Variants in CHN2 observed in about 807,000 individuals in gnomAD.
CHN2 encodes chimerin 2.
A neutral mutation model predicts 56.3 loss-of-function variants in CHN2; 35 were observed. That is an observed-to-expected ratio of 0.62 (90% CI 0.47 to 0.82). The LOEUF (loss-of-function observed/expected upper bound fraction) is 0.82, where lower values mean the gene tolerates loss of function less well. Among genes scored for constraint, CHN2 ranks in the 40% least tolerant of loss-of-function variants. CHN2 has a pLI of 0.00. For synonymous variants in CHN2, 210 were observed against 212.8 expected (o/e 0.99, Z 0.12); for missense variants, 491 against 580.5 (o/e 0.85, Z 1.58).
chr7:29,460,450 T>G (rs1785084431), intron 6 of CHN2, among the ~76,000 whole-genome samples: 1 of 152,198 alleles, frequency 6.6e-6, no homozygotes, highest in Non-Finnish European at 1.5e-5. Flanking sequence ...GAGGGTACCC[T>G]TCTAAAGGCA....
intron 2 of CHN2, among the ~76,000 whole-genome samples, chr7:29,355,775 T>TA (rs1273971084): frequency 8.8e-6 from 1 of 114,124 alleles, no homozygotes; most frequent in African/African-American, 3.7e-5. Context: ...TGGGACTATT[T>TA]TTTTTTTTTT....
intron 5 of CHN2, 114 bp downstream of exon 5, chr7:29,398,600 C>T (rs1370176808): frequency 1.5e-6 from 1 of 687,322 alleles, no homozygotes; most frequent in Non-Finnish European, 2.5e-6. Context: ...TCATTTTTCC[C>T]ATGTTTATGT....
chr7:29,395,031 T>G (rs1801636656), intron 4 of CHN2, among the ~76,000 whole-genome samples: 2 of 152,184 alleles, frequency 1.3e-5, no homozygotes, highest in Non-Finnish European at 2.9e-5. Context: ...TGAAGGGTGT[T>G]TTTTTCTTCC....
intron 1 of CHN2, among the ~76,000 whole-genome samples, chr7:29,307,715 G>T (rs1042756209): frequency 3.3e-5 from 5 of 152,126 alleles, no homozygotes; most frequent in African/African-American, 1.2e-4. Context: ...GGACAAAATA[G>T]ATTCTTCCTT....
chr7:29,161,982 T>C (rs968357585), intron 2 of CHN2, among the ~76,000 whole-genome samples: 2 of 152,174 alleles, frequency 1.3e-5, no homozygotes, highest in Non-Finnish European at 2.9e-5. Flanking sequence ...AGATCACTTA[T>C]AAACCTATTA....
chr7:29,191,397 T>A (rs1782875412), upstream of CHN2, among the ~76,000 whole-genome samples: 1 of 152,138 alleles, frequency 6.6e-6, no homozygotes, highest in Non-Finnish European at 1.5e-5. Context: ...CCAGAGAAGG[T>A]GCATTCTGGT....
chr7:29,509,288 G>A lies in CHN2; in HGVS notation c.1130-13G>A, dbSNP rs188679751. The A allele has an allele frequency of 1.7e-3, 2,764 of 1,602,252 alleles. 5 individuals carry two copies. The highest frequency in any genetic ancestry group is 0.013 in the Middle Eastern group (79 of 6,032). Reference sequence around the variant, plus strand: ...CACTCTGAACTAATACCCATCATGCGTGAACTTCACAGAAATCTCCAATGC... The same window carrying A: ...CACTCTGAACTAATACCCATCATGCATGAACTTCACAGAAATCTCCAATGC... On this transcript the variant is annotated splice_polypyrimidine_tract_variant and intron_variant, in intron 11 of 12. Coordinates refer to ENST00000222792, the MANE Select transcript of CHN2 (RefSeq NM_004067.4).
chr7:29,220,281 A>AGAGG (rs745856565), intron 1 of CHN2, among the ~76,000 whole-genome samples: 3 of 12,366 alleles, frequency 2.4e-4, no homozygotes, highest in African/African-American at 3.3e-3. Flanking sequence ...AAAAAAAAAA[A>AGAGG]GAGAGAGAGA....
chr7:29,401,512 C>T (rs1180335102), intron 6 of CHN2, among the ~76,000 whole-genome samples: 3 of 152,094 alleles, frequency 2.0e-5, no homozygotes, highest in East Asian at 1.9e-4. Context: ...CGGCCAAATA[C>T]GTGGTATTTG....
chr7:29,410,006 C>T (rs775201010), intron 6 of CHN2, among the ~76,000 whole-genome samples: 18 of 152,300 alleles, frequency 1.2e-4, no homozygotes, highest in Middle Eastern at 3.4e-3. Context: ...ACCCACCAAG[C>T]GCCTGCCCTG....
chr7:29,370,646 G>T (rs769042119), intron 3 of CHN2, among the ~76,000 whole-genome samples: 1 of 152,008 alleles, frequency 6.6e-6, no homozygotes, highest in Non-Finnish European at 1.5e-5. Context: ...CGGGCCATGG[G>T]CCTCTCCCAG....
At chr7:29,354,532 C>G in intron 1 of CHN2, 93 bp from the exon 2 acceptor site, 1 of 1,122,890 alleles carries the variant, frequency 8.9e-7, no homozygotes, top group East Asian at 2.4e-5. Context: ...CATGCAAGTA[C>G]TGTGGACAGA....
chr7:29,221,661 G>A (rs545165415), intron 1 of CHN2, among the ~76,000 whole-genome samples: 31 of 152,176 alleles, frequency 2.0e-4, no homozygotes, highest in African/African-American at 7.5e-4. Context: ...CCCACATATG[G>A]CAATGTGTTC....
chr7:29,422,913 G>A (rs1470037868), intron 6 of CHN2, among the ~76,000 whole-genome samples: 1 of 152,148 alleles, frequency 6.6e-6, no homozygotes, highest in Non-Finnish European at 1.5e-5. Context: ...AAATGCAAAT[G>A]AAAAATAGAG....
Position 29,400,760 on chromosome 7 carries a change from C to T in CHN2, c.508C>T (p.Leu170=), listed in dbSNP as rs911871752. ...TLLREKVSRR[L]SRSKNEPRKT... is the part of the protein sequence containing the mutation. ...ACTCAGAGAAAAAGTATCCAGAAGGCTGAGCAGGTCTAAAAATGAACCAAG... is the reference window on the plus strand; with the variant it reads ...ACTCAGAGAAAAAGTATCCAGAAGGTTGAGCAGGTCTAAAAATGAACCAAG... The change falls in exon 6 of 13, where the codon CTG becomes TTG. Residue 170 remains leucine, a synonymous_variant. Coordinates refer to ENST00000222792, the MANE Select transcript of CHN2 (RefSeq NM_004067.4). 2 of 1,612,988 alleles carry T rather than the reference C, an allele frequency of 1.2e-6. 1 individual carries two copies. The highest frequency in any genetic ancestry group is 2.2e-5 in the South Asian group (2 of 91,072).
intron 1 of CHN2, among the ~76,000 whole-genome samples, chr7:29,336,810 A>G (rs1353309674): frequency 6.9e-6 from 1 of 145,860 alleles, no homozygotes; most frequent in South Asian, 2.2e-4. Flanking sequence ...CAAACCAGAA[A>G]GTCTCCTTGC....
At chr7:29,214,682 C>T (rs1042307751) in intron 1 of CHN2, among the ~76,000 whole-genome samples, 29 of 152,124 alleles carry the variant, frequency 1.9e-4, no homozygotes, top group Admixed American at 2.0e-4. Context: ...TAATTTCAGG[C>T]GGAGGTAGGG....
chr7:29,469,631 C>T (rs563236299), intron 6 of CHN2, among the ~76,000 whole-genome samples: 3 of 152,324 alleles, frequency 2.0e-5, no homozygotes, highest in Admixed American at 6.5e-5. Context: ...CTATCACCTC[C>T]GGCCCGTATT....
chr7:29,249,698 T>C, intron 1 of CHN2, among the ~76,000 whole-genome samples: 1 of 152,216 alleles, frequency 6.6e-6, no homozygotes, highest in East Asian at 1.9e-4. Context: ...ACGTGTATCT[T>C]GCAGCTTCCA....
Sources: gnomAD v4.1 joint callset for allele counts (sites outside exome capture counted in the v4.1 genomes callset) on GRCh38, gnomAD v4.1.1 for gene constraint, MANE v1.5 for transcripts, NCBI Gene and HGNC (gene_info 2026-07-23, HGNC 2026-07-21) for gene names.